AIG1: variants seen among roughly 807,000 people sequenced by gnomAD.
AIG1 encodes androgen-induced gene 1 protein.
Under a neutral mutation model 31.4 loss-of-function variants are expected in AIG1, and 23 were observed. That is an observed-to-expected ratio of 0.73 (90% CI 0.53 to 1.04). The LOEUF (loss-of-function observed/expected upper bound fraction) is 1.04, where lower values mean the gene tolerates loss of function less well. Among genes scored for constraint, AIG1 ranks in the 50% least tolerant of loss-of-function variants. The pLI is 0.00. For missense variants in AIG1, 274 were observed against 295.0 expected, an observed-to-expected ratio of 0.93 and a Z score of 0.52; for synonymous variants, 100 against 110.5, an observed-to-expected ratio of 0.90 and a Z score of 0.60.
chr6:143,124,494 G>A (rs1056200458), intron 1 of AIG1, among the ~76,000 whole-genome samples: 2 of 152,194 alleles, frequency 1.3e-5, no homozygotes, highest in East Asian at 1.9e-4. Context: ...CCTGCTCATC[G>A]GTGGTGGCTC....
chr6:143,100,962 G>A lies in AIG1; in HGVS notation c.142-35873G>A, dbSNP rs1053550946. On this transcript the variant is annotated intron_variant, in intron 1 of 5. Coordinates refer to ENST00000357847, the MANE Select transcript of AIG1 (RefSeq NM_016108.4). Reference sequence around the variant, plus strand: ...GGCCTCCCAAAGTGCTGGGATTACAGGCCTGAGCCACCGTGCCCAGCCTAT... The same window carrying A: ...GGCCTCCCAAAGTGCTGGGATTACAAGCCTGAGCCACCGTGCCCAGCCTAT... Among the ~76,000 whole-genome samples, 70 of 152,220 alleles carry A rather than the reference G, an allele frequency of 4.6e-4. 1 individual carries two copies. The highest frequency in any genetic ancestry group is 5.9e-4 in the Admixed American group (9 of 15,298).
intron 4 of AIG1, among the ~76,000 whole-genome samples, chr6:143,305,024 G>A (rs1382083578): frequency 6.6e-6 from 1 of 152,090 alleles, no homozygotes; most frequent in Non-Finnish European, 1.5e-5. Flanking sequence ...AGAGGTGTTT[G>A]TAGTATTCTC....
intron 3 of AIG1, among the ~76,000 whole-genome samples, chr6:143,199,828 A>G (rs970499008): frequency 6.6e-6 from 1 of 152,238 alleles, no homozygotes; most frequent in Non-Finnish European, 1.5e-5. Context: ...TAAGAGAAGT[A>G]TACAAGAAGG....
chr6:143,311,095 T>C (rs1775234998), intron 4 of AIG1, among the ~76,000 whole-genome samples: 2 of 151,974 alleles, frequency 1.3e-5, no homozygotes, highest in African/African-American at 2.4e-5. Context: ...ACTCATTCTC[T>C]GAGGCCAGCA....
At chr6:143,068,267 G>A (rs1776907200) in intron 1 of AIG1, among the ~76,000 whole-genome samples, 1 of 152,206 alleles carries the variant, frequency 6.6e-6, no homozygotes, top group South Asian at 2.1e-4. Context: ...GGGGAAGCAA[G>A]AACAACAGTA....
At chr6:143,115,898 G>T (rs758309860) in intron 1 of AIG1, among the ~76,000 whole-genome samples, 1 of 152,172 alleles carries the variant, frequency 6.6e-6, no homozygotes, top group Non-Finnish European at 1.5e-5. Flanking sequence ...ACATTTTTCA[G>T]CTGTAATGTC....
intron 3 of AIG1, among the ~76,000 whole-genome samples, chr6:143,204,669 A>G (rs1790968021): frequency 6.6e-6 from 1 of 152,186 alleles, no homozygotes; most frequent in African/African-American, 2.4e-5. Context: ...ATGTATAGCC[A>G]TCTTTCATCA....
intron 1 of AIG1, among the ~76,000 whole-genome samples, chr6:143,100,719 T>C (rs1459545422): frequency 2.0e-5 from 3 of 151,912 alleles, no homozygotes; most frequent in Non-Finnish European, 4.4e-5. Context: ...GAAGTCTTGC[T>C]CTGTTGCCCA....
intron 3 of AIG1, among the ~76,000 whole-genome samples, chr6:143,210,855 G>C (rs1225083904): frequency 6.6e-6 from 1 of 152,106 alleles, no homozygotes; most frequent in African/African-American, 2.4e-5. Context: ...AAGGCCTTTT[G>C]ACTAAAAATA....
chr6:143,071,291 T>A (rs776734338), intron 1 of AIG1, among the ~76,000 whole-genome samples: 4 of 152,238 alleles, frequency 2.6e-5, no homozygotes, highest in Admixed American at 6.5e-5. Context: ...TAATTGCTAG[T>A]AGTATTACAT....
chr6:143,216,397 G>A (rs1792034405), intron 3 of AIG1, among the ~76,000 whole-genome samples: 1 of 152,198 alleles, frequency 6.6e-6, no homozygotes, highest in Admixed American at 6.5e-5. Context: ...GGCAAGGCCT[G>A]TAGGAACTGA....
At position 143,165,091 on chromosome 6, in the gene AIG1, G is replaced by C; in HGVS notation, c.307G>C (p.Ala103Pro). The C allele has an allele frequency of 1.9e-6, 3 of 1,611,008 alleles. No homozygotes were observed. The highest frequency in any genetic ancestry group is 2.5e-6 in the Non-Finnish European group (3 of 1,177,474). Residue 103 changes from alanine to proline, a missense_variant, in exon 3 of 6, where the codon GCA becomes CCA. Physicochemically the swap from Ala to Pro is conservative, Grantham distance 27. Around this residue, in one of 2 missense-constraint regions of AIG1, gnomAD observed 243 missense variants for 238.5 expected, o/e 1.02. Coordinates refer to ENST00000357847, the MANE Select transcript of AIG1 (RefSeq NM_016108.4). ...LAFPVGVFVV[A>P]VFWIIYAYDR... ...TTCTTTTTCCTTCCAGTTTGTTGTA[G>C]CAGTGTTCTGGATCATTTATGCCTA... is the stretch of plus-strand genomic sequence containing the variant.
chr6:143,170,401 T>A (rs1787382490), intron 3 of AIG1, among the ~76,000 whole-genome samples: 1 of 152,080 alleles, frequency 6.6e-6, no homozygotes, highest in African/African-American at 2.4e-5. Flanking sequence ...TCTGTTATGA[T>A]CCTTTGTATT....
At chr6:143,208,386 C>G (rs1412285137) in intron 3 of AIG1, among the ~76,000 whole-genome samples, 1 of 152,130 alleles carries the variant, frequency 6.6e-6, no homozygotes, top group African/African-American at 2.4e-5. Flanking sequence ...TGAGAGCTTA[C>G]ATTTGCATGG....
chr6:143,254,579 T>C (rs1265125103), intron 3 of AIG1, among the ~76,000 whole-genome samples: 1 of 152,192 alleles, frequency 6.6e-6, no homozygotes, highest in Non-Finnish European at 1.5e-5. Flanking sequence ...TCATGGACTA[T>C]TGAGTTGATT....
At chr6:143,096,202 G>T (rs571912062) in intron 1 of AIG1, among the ~76,000 whole-genome samples, 3 of 152,190 alleles carry the variant, frequency 2.0e-5, no homozygotes, top group African/African-American at 7.2e-5. Flanking sequence ...CACCACGCCC[G>T]GCCCTAGATA....
intron 3 of AIG1, among the ~76,000 whole-genome samples, chr6:143,277,133 A>C (rs1317377188): frequency 6.6e-6 from 1 of 152,166 alleles, no homozygotes; most frequent in Non-Finnish European, 1.5e-5. Context: ...TGCTAATGCA[A>C]TGGGCTTTAT....
chr6:143,324,284 C>A (rs1013769011), intron 4 of AIG1, among the ~76,000 whole-genome samples: 3 of 152,168 alleles, frequency 2.0e-5, no homozygotes, highest in Non-Finnish European at 2.9e-5. Flanking sequence ...CTGAACTCTG[C>A]GTTTTATAAG....
intron 3 of AIG1, among the ~76,000 whole-genome samples, chr6:143,251,988 G>A (rs769504116): frequency 1.2e-4 from 19 of 152,098 alleles, no homozygotes; most frequent in Non-Finnish European, 2.6e-4. Flanking sequence ...TTTTCATGCC[G>A]CTTTGTCCCT....
Sources: allele counts gnomAD v4.1 joint callset (sites outside exome capture counted in the v4.1 genomes callset), GRCh38; gene constraint gnomAD v4.1.1; regional missense constraint gnomAD v4.1.1; transcripts MANE v1.5; gene names NCBI Gene and HGNC (gene_info 2026-07-23, HGNC 2026-07-21).